The following SLC25A12 variants were observed in gnomAD, a reference collection of about 807,000 sequenced individuals.
SLC25A12 encodes solute carrier family 25 member 12, also known as electrogenic aspartate/glutamate antiporter SLC25A12, mitochondrial.
A neutral mutation model predicts 83.3 loss-of-function variants in SLC25A12; 32 were observed. The observed-to-expected ratio is 0.38, with a 90% CI of 0.29 to 0.52. The LOEUF is 0.52. SLC25A12 is among the 20% of genes least tolerant of loss of function. The pLI, the probability that SLC25A12 is intolerant of heterozygous loss-of-function variation, is 0.84. For missense variants in SLC25A12, 611 were observed against 835.6 expected (o/e 0.73, Z 3.31); for synonymous variants, 267 against 291.1 (o/e 0.92, Z 0.84).
At chr2:171,825,569 G>GTCTC (rs140552995) in intron 9 of SLC25A12, among the ~76,000 whole-genome samples, 16 of 149,752 alleles carry the variant, frequency 1.1e-4, no homozygotes, top group South Asian at 2.1e-4. Context: ...TTTAGTAACT[G>GTCTC]TCTCTCTCTC....
rs959458696 is a variant in SLC25A12 at position 171,783,698 on chromosome 2, T to C, written c.*1576A>G. Among the ~76,000 whole-genome samples the C allele has an allele frequency of 6.6e-6, 1 of 152,236 alleles. No individual in the cohort carries two copies. ...GGATTCTTTTGTAATCACATATCCA[T>C]GGACTACTTATATATTTCTAACAAG... On this transcript the variant is annotated 3_prime_UTR_variant, in exon 18 of 18. Coordinates refer to ENST00000422440, the MANE Select transcript of SLC25A12 (RefSeq NM_003705.5).
intron 13 of SLC25A12, among the ~76,000 whole-genome samples, chr2:171,795,907 C>T (rs75235617): frequency 0.023 from 3,533 of 151,916 alleles, 57 homozygotes; most frequent in Middle Eastern, 0.038. Context: ...TGAAACTTTA[C>T]AAAAATGGTA....
At chr2:171,813,676 C>T (rs1204688366) in intron 10 of SLC25A12, among the ~76,000 whole-genome samples, 179 bp from the exon 11 acceptor site, 1 of 152,166 alleles carries the variant, frequency 6.6e-6, no homozygotes, top group East Asian at 1.9e-4. Context: ...CTATAGCAAG[C>T]ACTGAAATCC....
At chr2:171,803,595 A>G (rs1683758210) in intron 13 of SLC25A12, among the ~76,000 whole-genome samples, 1 of 152,200 alleles carries the variant, frequency 6.6e-6, no homozygotes, top group Non-Finnish European at 1.5e-5. Flanking sequence ...TAAGATGGCT[A>G]TAGTAAAAAG....
chr2:171,834,031 G>C lies in SLC25A12; in HGVS notation c.777C>G (p.Arg259=), dbSNP rs202132464. The change falls in exon 8 of 18, where the codon CGC becomes CGG. Residue 259 remains arginine, a synonymous_variant. Coordinates refer to ENST00000422440, the MANE Select transcript of SLC25A12 (RefSeq NM_003705.5). ...TTTCTAGTGGTGTGACTTGTCCATA[G>C]CGTATGGCACTCTGGGCAAATTCCT... ...TKEEFAQSAI[R]YGQVTPLEID... The C allele has an allele frequency of 1.2e-6, 2 of 1,609,162 alleles. No individual in the cohort carries two copies. Among genetic ancestry groups the C allele is most frequent in the Non-Finnish European group, 1.7e-6 (2 of 1,175,794 alleles).
In SLC25A12 at chr2:171,894,233, G is replaced by C. The variant is rs1270059737; in HGVS notation, c.-19C>G. On this transcript the variant is annotated 5_prime_UTR_variant, in exon 1 of 18. Coordinates refer to ENST00000422440, the MANE Select transcript of SLC25A12 (RefSeq NM_003705.5). The stretch of plus-strand genomic sequence containing the variant: ...CCGCCATGCTGTGCTCGGAAGCCGG[G>C]GACGAGCGAGTGAGCGAGCAGGGCC... 1.9e-6 allele frequency: 3 copies of C among 1,608,136 alleles called. No homozygotes were observed. Among genetic ancestry groups the C allele is most frequent in the African/African-American group, 1.3e-5 (1 of 74,720 alleles).
chr2:171,857,825 A>G (rs1377865812), intron 3 of SLC25A12, among the ~76,000 whole-genome samples: 1 of 151,772 alleles, frequency 6.6e-6, no homozygotes, highest in Non-Finnish European at 1.5e-5. Context: ...CAGGAGTTCA[A>G]GGCTGTAGTA....
chr2:171,846,422 A>C (rs986273919), intron 4 of SLC25A12, among the ~76,000 whole-genome samples: 3 of 152,112 alleles, frequency 2.0e-5, no homozygotes, highest in African/African-American at 7.2e-5. Flanking sequence ...CCTTTTATAT[A>C]ATAAGAAAAT....
At chr2:171,787,025 T>C (rs1377488921) in intron 17 of SLC25A12, among the ~76,000 whole-genome samples, 1 of 152,190 alleles carries the variant, frequency 6.6e-6, no homozygotes, top group African/African-American at 2.4e-5. Flanking sequence ...AAAAAGACAA[T>C]TATTTACACA....
intron 8 of SLC25A12, among the ~76,000 whole-genome samples, chr2:171,832,987 C>A (rs1320531976): frequency 2.6e-5 from 4 of 152,078 alleles, no homozygotes; most frequent in African/African-American, 9.7e-5. Context: ...TCAAGGGCAC[C>A]AAGCTGGGCT....
chr2:171,826,278 A>G (rs889536360), intron 9 of SLC25A12, among the ~76,000 whole-genome samples: 1 of 152,220 alleles, frequency 6.6e-6, no homozygotes, highest in Non-Finnish European at 1.5e-5. Context: ...ACAAAACAAA[A>G]AACAAAACAC....
chr2:171,870,888 A>C (rs1394263101), intron 2 of SLC25A12, among the ~76,000 whole-genome samples: 1 of 152,072 alleles, frequency 6.6e-6, no homozygotes, highest in East Asian at 1.9e-4. Flanking sequence ...GATCTGACTA[A>C]ACAAAGCCAC....
chr2:171,814,890 A>G (rs1009137153), intron 10 of SLC25A12, among the ~76,000 whole-genome samples: 3 of 152,174 alleles, frequency 2.0e-5, no homozygotes, highest in Non-Finnish European at 4.4e-5. Context: ...TGCATCCCAG[A>G]CTTTCACATC....
At chr2:171,875,786 G>A (rs765068668) in intron 2 of SLC25A12, among the ~76,000 whole-genome samples, 187 of 151,928 alleles carry the variant, frequency 1.2e-3, no homozygotes, top group Non-Finnish European at 1.6e-3. Flanking sequence ...GGTGGCGGGC[G>A]CCTGTAGTCC....
At chr2:171,815,959 A>G (rs1409306428) in intron 9 of SLC25A12, among the ~76,000 whole-genome samples, 2 of 152,008 alleles carry the variant, frequency 1.3e-5, no homozygotes, top group Non-Finnish European at 2.9e-5. Context: ...AAAATTACAC[A>G]TAAGATGTAT....
chr2:171,872,705 T>C (rs770370007), intron 2 of SLC25A12, among the ~76,000 whole-genome samples: 3 of 152,050 alleles, frequency 2.0e-5, no homozygotes, highest in Admixed American at 1.3e-4. Flanking sequence ...GGCCAGGGAA[T>C]GGAGGGAGAA....
chr2:171,858,205 A>G (rs1240355631), intron 3 of SLC25A12, among the ~76,000 whole-genome samples: 1 of 152,112 alleles, frequency 6.6e-6, no homozygotes, highest in African/African-American at 2.4e-5. Flanking sequence ...TCAATGAAGT[A>G]TTTTCCTAGG....
At chr2:171,794,088 AG>A (rs1223066905) in intron 13 of SLC25A12, among the ~76,000 whole-genome samples, 1 of 152,218 alleles carries the variant, frequency 6.6e-6, no homozygotes, top group Non-Finnish European at 1.5e-5. Context: ...TGGAAAAAAA[AG>A]CGGAGCCAGA....
intron 2 of SLC25A12, among the ~76,000 whole-genome samples, chr2:171,878,811 A>C (rs1685624041): frequency 6.6e-6 from 1 of 152,238 alleles, no homozygotes; most frequent in African/African-American, 2.4e-5. Flanking sequence ...AAAGAGGACA[A>C]TATGTACCAA....
Sources: gnomAD v4.1 joint callset for allele counts (sites outside exome capture counted in the v4.1 genomes callset) on GRCh38, gnomAD v4.1.1 for gene constraint, MANE v1.5 for transcripts, NCBI Gene and HGNC (gene_info 2026-07-23, HGNC 2026-07-21) for gene names.